COPA: variants seen among roughly 807,000 people sequenced by gnomAD.
COPA encodes coatomer subunit alpha.
In COPA, 10 loss-of-function variants were observed where a neutral mutation model predicts 158.7. That is an observed-to-expected ratio of 0.06 (90% CI 0.04 to 0.11). COPA has a LOEUF of 0.11. Among genes scored for constraint, COPA ranks in the 10% least tolerant of loss-of-function variants. The pLI is 1.00. For missense variants in COPA, 1,065 were observed against 1,536.7 expected (o/e 0.69, Z 5.13); for synonymous variants, 462 against 542.8 (o/e 0.85, Z 2.07).
At chr1:160,320,212 A>G (rs1659288352) in intron 8 of COPA, among the ~76,000 whole-genome samples, 1 of 152,234 alleles carries the variant, frequency 6.6e-6, no homozygotes, top group African/African-American at 2.4e-5. Flanking sequence ...CTGAGACCTC[A>G]GAAATACAAA....
chr1:160,309,604 ACACT>A (rs1274076975), intron 12 of COPA, among the ~76,000 whole-genome samples: 1 of 152,166 alleles, frequency 6.6e-6, no homozygotes, highest in Non-Finnish European at 1.5e-5. Context: ...AAAAGAAAAA[ACACT>A]CAAGAAAACT....
chr1:160,290,764 T>G, intron 31 of COPA, 78 bp from the exon 32 acceptor site: 1 of 1,375,258 alleles, frequency 7.3e-7, no homozygotes, highest in East Asian at 2.3e-5. Flanking sequence ...CATGGTTTGG[T>G]AGTTCCGTTG....
At chr1:160,303,027 G>C (rs1267996832) in intron 17 of COPA, among the ~76,000 whole-genome samples, 1 of 152,068 alleles carries the variant, frequency 6.6e-6, no homozygotes, top group Non-Finnish European at 1.5e-5. Flanking sequence ...ACAAGTATTA[G>C]CTGGGTGTGG....
At chr1:160,290,848 C>T (rs756808071) in intron 31 of COPA, among the ~76,000 whole-genome samples, 162 bp from the exon 32 acceptor site, 2 of 152,196 alleles carry the variant, frequency 1.3e-5, no homozygotes, top group Non-Finnish European at 2.9e-5. Flanking sequence ...GGTTAACAAT[C>T]ACCATTCCTA....
rs1557870027 is a variant in COPA at position 160,318,482 on chromosome 1, AAAAAAAAAAC to A, written c.707-4367_707-4358del. Among the ~76,000 whole-genome samples the A allele has an allele frequency of 6.7e-3, 454 of 68,080 alleles. 8 individuals are homozygous for A. The highest frequency in any genetic ancestry group is 0.018 in the African/African-American group (218 of 12,038). The allele number at this position is 68,080 out of a possible 152,430, so 44.7% of individuals were successfully genotyped here. ...AACAATATTTGTAAAAAAAAAAAAA[AAAAAAAAAAC>A]AAAAAAAAAAAAAAAACACTAATGT... On this transcript the variant is annotated intron_variant, in intron 8 of 32. Coordinates refer to ENST00000241704, the MANE Select transcript of COPA (RefSeq NM_004371.4).
At chr1:160,296,200 G>T in intron 21 of COPA, 51 bp from the exon 22 acceptor site, 1 of 1,506,970 alleles carries the variant, frequency 6.6e-7, no homozygotes, top group Non-Finnish European at 9.2e-7. Flanking sequence ...AATGCATGCT[G>T]CTGTGGTAAG....
At chr1:160,315,649 A>T (rs1444374739) in intron 8 of COPA, among the ~76,000 whole-genome samples, 2 of 152,232 alleles carry the variant, frequency 1.3e-5, no homozygotes, top group Non-Finnish European at 2.9e-5. Flanking sequence ...TATATCCAAT[A>T]AAAACCAAAG....
chr1:160,330,064 G>A (rs1647432047), intron 6 of COPA, among the ~76,000 whole-genome samples: 1 of 152,022 alleles, frequency 6.6e-6, no homozygotes, highest in African/African-American at 2.4e-5. Context: ...GTAGTGAGCT[G>A]AGATCATGCC....
chr1:160,301,191 C>T (rs74471660), intron 17 of COPA, among the ~76,000 whole-genome samples: 1,835 of 152,184 alleles, frequency 0.012, 43 homozygotes, highest in African/African-American at 0.041. Context: ...TAATTCACTA[C>T]ATTAATCAAT....
intron 1 of COPA, among the ~76,000 whole-genome samples, chr1:160,342,819 C>G (rs1279488711): frequency 6.6e-6 from 1 of 152,068 alleles, no homozygotes; most frequent in African/African-American, 2.4e-5. Flanking sequence ...ATCACAGGGC[C>G]TTTGGAGCAG....
Position 160,340,197 on chromosome 1 carries a change from C to T in COPA, c.138G>A (p.Lys46=), listed in dbSNP as rs751175643. 25 of 1,611,834 alleles carry T rather than the reference C, an allele frequency of 1.6e-5. No individual in the cohort carries two copies. The highest frequency in any genetic ancestry group is 1.8e-5 in the Non-Finnish European group (21 of 1,178,334). Residue 46 remains lysine, a synonymous_variant, in exon 2 of 33, where the codon AAG becomes AAA. Coordinates refer to ENST00000241704, the MANE Select transcript of COPA (RefSeq NM_004371.4). ...WDYRMCTLID[K]FDEHDGPVRG... ...ATATCTCACCATCATGTTCATCAAA[C>T]TTGTCAATGAGAGTGCACATCCGAT...
Position 160,290,231 on chromosome 1 carries a change from A to G in COPA, c.3616-15T>C. On this transcript the variant is annotated splice_polypyrimidine_tract_variant and intron_variant, in intron 32 of 32. Coordinates refer to ENST00000241704, the MANE Select transcript of COPA (RefSeq NM_004371.4). ...ATCTCTGTCACCTGTGGAAAAACAAACAAAGGAACAAGTTAGAGATTTGTA... is the reference window on the plus strand; with the variant it reads ...ATCTCTGTCACCTGTGGAAAAACAAGCAAAGGAACAAGTTAGAGATTTGTA... The G allele has an allele frequency of 6.2e-7, 1 of 1,614,048 alleles. No individual in the cohort carries two copies. The highest frequency in any genetic ancestry group is 8.5e-7 in the Non-Finnish European group (1 of 1,179,902).
At chr1:160,324,663 G>A (rs530530171) in intron 7 of COPA, among the ~76,000 whole-genome samples, 2 of 151,906 alleles carry the variant, frequency 1.3e-5, no homozygotes, top group East Asian at 3.9e-4. Context: ...CATGATATGT[G>A]ATATCATCGC....
Position 160,297,409 on chromosome 1 carries a change from A to G in COPA, c.2197T>C (p.Tyr733His). 2.5e-6 allele frequency: 4 copies of G among 1,614,186 alleles called. No homozygotes were observed. Among genetic ancestry groups the G allele is most frequent in the Non-Finnish European group, 3.4e-6 (4 of 1,180,018 alleles). ...TCACCCAGGTATAGGGCATTCTGAT[A>G]GTGGCCACTCATGTCCTTTCTGATC... is the stretch of plus-strand genomic sequence containing the variant. ...AEIRKDMSGH[Y>H]QNALYLGDVS... is the part of the protein sequence containing the mutation. The change falls in exon 21 of 33, where the codon TAT (tyrosine) becomes CAT (histidine). Residue 733 changes from tyrosine (Y) to histidine (H), a missense_variant. Transcript: ENST00000241704.
chr1:160,299,151 G>T lies in COPA; in HGVS notation c.1781C>A (p.Pro594His). ...GGCCAGCTTGAATTTGAACTCAGTGGGATCAATGGTGAGTACCCGGGGACG... is the reference window on the plus strand; with the variant it reads ...GGCCAGCTTGAATTTGAACTCAGTGTGATCAATGGTGAGTACCCGGGGACG... Reference protein sequence around the residue: ...ECRPRVLTIDPTEFKFKLALI... With the variant: ...ECRPRVLTIDHTEFKFKLALI... The change falls in exon 18 of 33, where the codon CCC becomes CAC. Residue 594 changes from proline (P) to histidine (H), a missense_variant. Pro to His is a moderately conservative substitution (Grantham distance 77, BLOSUM62 -2). Coordinates refer to ENST00000241704, the MANE Select transcript of COPA (RefSeq NM_004371.4). The T allele has an allele frequency of 6.2e-7, 1 of 1,614,144 alleles. No homozygotes were observed. Among genetic ancestry groups the T allele is most frequent in the Non-Finnish European group, 8.5e-7 (1 of 1,180,030 alleles).
intron 8 of COPA, among the ~76,000 whole-genome samples, chr1:160,322,543 T>C (rs1191348250): frequency 6.6e-6 from 1 of 152,130 alleles, no homozygotes; most frequent in Non-Finnish European, 1.5e-5. Context: ...TCAATAATTA[T>C]CAGAGAAATG....
At chr1:160,323,093 A>G (rs1333245883) in intron 8 of COPA, among the ~76,000 whole-genome samples, 2 of 152,126 alleles carry the variant, frequency 1.3e-5, no homozygotes, top group Non-Finnish European at 2.9e-5. Context: ...GGAGGCCATT[A>G]TGTTAAGGGA....
chr1:160,322,513 T>G (rs190379801), intron 8 of COPA, among the ~76,000 whole-genome samples: 1 of 152,194 alleles, frequency 6.6e-6, no homozygotes, highest in East Asian at 1.9e-4. Flanking sequence ...TCCCAGGACA[T>G]TGTCTGGGCA....
intron 5 of COPA, 137 bp from the exon 6 acceptor site, chr1:160,332,694 T>C (rs753651835): frequency 9.6e-6 from 5 of 520,572 alleles, no homozygotes; most frequent in Non-Finnish European, 1.7e-5. Flanking sequence ...ATCCTACCAA[T>C]TCTGAACTAA....
Sources: allele counts gnomAD v4.1 joint callset (sites outside exome capture counted in the v4.1 genomes callset), GRCh38; gene constraint gnomAD v4.1.1; transcripts MANE v1.5; gene names NCBI Gene and HGNC (gene_info 2026-07-23, HGNC 2026-07-21).